CDH18: variants seen among roughly 807,000 people sequenced by gnomAD.
CDH18 encodes cadherin-18.
A neutral mutation model predicts 67.9 loss-of-function variants in CDH18; 31 were observed. The observed-to-expected ratio is 0.46, with a 90% CI of 0.34 to 0.62. The LOEUF is 0.62. Ranked by LOEUF, CDH18 falls within the 20% of genes least tolerant of loss-of-function variation. The pLI, the probability that CDH18 is intolerant of heterozygous loss-of-function variation, is 0.01. For synonymous variants in CDH18, 362 were observed against 347.2 expected (o/e 1.04, Z -0.48); for missense variants, 890 against 975.5 (o/e 0.91, Z 1.17).
At position 20,095,448 on chromosome 5, in the gene CDH18, G is replaced by A. The variant is rs201869747; in HGVS notation, c.-517-103434C>T. Among the ~76,000 whole-genome samples, 101 of 83,582 alleles carry A rather than the reference G, an allele frequency of 1.2e-3. 1 individual carries two copies. The highest frequency in any genetic ancestry group is 3.3e-3 in the African/African-American group (72 of 21,774). 54.8% of individuals were successfully genotyped at this position (83,582 alleles called of 152,430 possible). On this transcript the variant is annotated intron_variant, in intron 2 of 14. Coordinates refer to the CDH18 transcript ENST00000507958. ...GAAAGAAAGAAAGAAAGAAAGAAAAGAAAGAAAGAAAGAAGAAAGAAGGAA... is the reference window on the plus strand; with the variant it reads ...GAAAGAAAGAAAGAAAGAAAGAAAAAAAAGAAAGAAAGAAGAAAGAAGGAA...
chr5:19,578,241 C>A (rs1020314281), intron 7 of CDH18, among the ~76,000 whole-genome samples: 1 of 152,146 alleles, frequency 6.6e-6, no homozygotes, highest in African/African-American at 2.4e-5. Flanking sequence ...AATTTTCTTT[C>A]TTTTCAGTGT....
chr5:20,242,423 T>C (rs1042060727), intron 2 of CDH18, among the ~76,000 whole-genome samples: 18 of 151,200 alleles, frequency 1.2e-4, no homozygotes, highest in African/African-American at 4.1e-4. Flanking sequence ...TGTATACTTC[T>C]ATGAGTTCAA....
chr5:20,064,995 G>C (rs1199589172), intron 2 of CDH18, among the ~76,000 whole-genome samples: 1 of 151,926 alleles, frequency 6.6e-6, no homozygotes, highest in Non-Finnish European at 1.5e-5. Flanking sequence ...TTTGGTCTTT[G>C]TGATTAATTT....
chr5:20,259,669 G>C (rs957017229), intron 1 of CDH18, among the ~76,000 whole-genome samples: 4 of 152,068 alleles, frequency 2.6e-5, no homozygotes, highest in Admixed American at 1.3e-4. Context: ...TATCTGTAAG[G>C]CTGCTGGTCA....
chr5:20,142,452 C>T (rs1561825311), intron 2 of CDH18, among the ~76,000 whole-genome samples: 1 of 151,828 alleles, frequency 6.6e-6, no homozygotes, highest in Non-Finnish European at 1.5e-5. Context: ...TGGTGGCAAG[C>T]ACCCGTAGTC....
intron 2 of CDH18, among the ~76,000 whole-genome samples, chr5:20,100,011 C>T (rs912495705): frequency 6.6e-6 from 1 of 152,030 alleles, no homozygotes; most frequent in African/African-American, 2.4e-5. Flanking sequence ...GTCTCCAACT[C>T]CTGACTTCAA....
chr5:19,781,192 T>C (rs948417003), intron 3 of CDH18, among the ~76,000 whole-genome samples: 2 of 152,064 alleles, frequency 1.3e-5, no homozygotes, highest in Admixed American at 6.6e-5. Context: ...TTCATTAGCA[T>C]ACATAAAGTG....
chr5:19,616,384 A>G (rs2150125559), intron 5 of CDH18, among the ~76,000 whole-genome samples: 1 of 152,212 alleles, frequency 6.6e-6, no homozygotes, highest in East Asian at 1.9e-4. Flanking sequence ...GATCGTTTTA[A>G]TTAAAAAAAT....
intron 7 of CDH18, among the ~76,000 whole-genome samples, chr5:19,577,797 C>A (rs910997275): frequency 1.2e-4 from 19 of 152,284 alleles, no homozygotes; most frequent in Middle Eastern, 6.8e-3. Flanking sequence ...GGCAACCCTG[C>A]AACAAATATG....
intron 2 of CDH18, among the ~76,000 whole-genome samples, chr5:20,058,996 G>T (rs1742233523): frequency 6.6e-6 from 1 of 152,062 alleles, no homozygotes; most frequent in South Asian, 2.1e-4. Flanking sequence ...CTTGTTATTG[G>T]TCTATTCAGG....
chr5:20,242,596 GAAAAA>G lies in CDH18; in HGVS notation c.-518+12843_-518+12847del, dbSNP rs376279568. 6.9e-4 allele frequency among the ~76,000 whole-genome samples: 54 copies of G among 77,716 alleles called. 8 individuals carry two copies. Among genetic ancestry groups the G allele is most frequent in the African/African-American group, 3.7e-3 (42 of 11,222 alleles). The allele number at this position is 77,716 out of a possible 152,430, so 51.0% of individuals were successfully genotyped here. ...TTCTAGGTTTTGGGTTTCATTGAGG[GAAAAA>G]AAAAAAAAAAATATATATATATATA... On this transcript the variant is annotated intron_variant, in intron 2 of 14. Coordinates refer to the CDH18 transcript ENST00000507958.
intron 1 of CDH18, among the ~76,000 whole-genome samples, chr5:20,388,854 C>T (rs542340038): frequency 9.9e-5 from 15 of 152,244 alleles, no homozygotes; most frequent in Non-Finnish European, 1.5e-4. Context: ...TGTATTTGAG[C>T]GGTTTTGAAG....
chr5:19,525,759 C>CTA (rs1318346290), intron 9 of CDH18, among the ~76,000 whole-genome samples: 3 of 152,058 alleles, frequency 2.0e-5, no homozygotes, highest in Non-Finnish European at 4.4e-5. Flanking sequence ...CCATGGGTCT[C>CTA]TATATATTAT....
intron 2 of CDH18, among the ~76,000 whole-genome samples, chr5:19,965,904 TGACAGA>T (rs1797388106): frequency 1.3e-5 from 2 of 152,156 alleles, no homozygotes; most frequent in Non-Finnish European, 2.9e-5. Flanking sequence ...GACACTTACA[TGACAGA>T]GACAGTGTGC....
At chr5:19,724,973 C>T (rs370286898) in intron 4 of CDH18, among the ~76,000 whole-genome samples, 14 of 146,896 alleles carry the variant, frequency 9.5e-5, no homozygotes, top group African/African-American at 3.5e-4. Flanking sequence ...GTCACCTAGG[C>T]TGGAGTGCAG....
intron 2 of CDH18, among the ~76,000 whole-genome samples, chr5:20,064,704 C>T (rs967224813): frequency 4.6e-5 from 7 of 151,936 alleles, no homozygotes; most frequent in Non-Finnish European, 8.8e-5. Flanking sequence ...CGCCGATTCT[C>T]GGTTTTCAAC....
intron 1 of CDH18, among the ~76,000 whole-genome samples, chr5:20,532,456 C>T (rs1258578590): frequency 1.3e-5 from 2 of 152,104 alleles, no homozygotes; most frequent in African/African-American, 4.8e-5. Flanking sequence ...ATCTTGCTCT[C>T]TAACTCTAGT....
At chr5:19,614,209 CT>C (rs1749462407) in intron 5 of CDH18, among the ~76,000 whole-genome samples, 1 of 151,340 alleles carries the variant, frequency 6.6e-6, no homozygotes, top group Non-Finnish European at 1.5e-5. Context: ...TCACTATTTT[CT>C]TTTTTTTCTG....
At chr5:20,062,230 C>T (rs906736339) in intron 2 of CDH18, among the ~76,000 whole-genome samples, 2 of 150,860 alleles carry the variant, frequency 1.3e-5, no homozygotes, top group Non-Finnish European at 2.9e-5. Context: ...AATCTTGGCT[C>T]ACTGCTACCT....
Sources: allele counts gnomAD v4.1 joint callset (sites outside exome capture counted in the v4.1 genomes callset), GRCh38; gene constraint gnomAD v4.1.1; transcripts MANE v1.5; gene names NCBI Gene and HGNC (gene_info 2026-07-23, HGNC 2026-07-21).